Variants in CTNNA3 observed in about 807,000 individuals in gnomAD.
CTNNA3 encodes catenin alpha 3.
CTNNA3 carries 76 observed loss-of-function variants against 95.7 expected under a neutral mutation model. The ratio of observed to expected loss-of-function variants is 0.79; its 90% CI spans 0.66 to 0.96. The LOEUF is 0.96. Among genes scored for constraint, CTNNA3 ranks in the 40% least tolerant of loss-of-function variants. CTNNA3 has a pLI of 0.00. For missense variants in CTNNA3, 1,191 were observed against 1,089.8 expected (o/e 1.09, Z -1.31); for synonymous variants, 431 against 374.4 (o/e 1.15, Z -1.74).
At chr10:67,126,122 T>C (rs1475279744) in intron 7 of CTNNA3, among the ~76,000 whole-genome samples, 1 of 152,258 alleles carries the variant, frequency 6.6e-6, no homozygotes, top group East Asian at 1.9e-4. Flanking sequence ...GAAGAAATAC[T>C]AATTTTATTA....
chr10:66,849,403 A>C (rs1158718850), intron 7 of CTNNA3, among the ~76,000 whole-genome samples: 2 of 152,120 alleles, frequency 1.3e-5, no homozygotes, highest in African/African-American at 2.4e-5. Context: ...CTTTTTGGTA[A>C]ATTTGAATAA....
intron 12 of CTNNA3, among the ~76,000 whole-genome samples, chr10:66,346,262 G>T (rs1589121470): frequency 1.0e-5 from 1 of 95,648 alleles, no homozygotes; most frequent in Non-Finnish European, 2.2e-5. Context: ...GAGAGAGAGA[G>T]AGAGAGAGAG....
At chr10:65,976,927 T>C (rs2078218359) in intron 16 of CTNNA3, among the ~76,000 whole-genome samples, 1 of 152,194 alleles carries the variant, frequency 6.6e-6, no homozygotes, top group Non-Finnish European at 1.5e-5. Context: ...AGGTTGTCTT[T>C]TAATTTTGTT....
intron 13 of CTNNA3, among the ~76,000 whole-genome samples, chr10:66,134,771 AAAAT>A (rs1250006072): frequency 6.6e-6 from 1 of 152,180 alleles, no homozygotes; most frequent in African/African-American, 2.4e-5. Flanking sequence ...AAAATGTCAC[AAAAT>A]AAATACACAT....
chr10:67,363,558 G>C (rs1843082272), intron 5 of CTNNA3, among the ~76,000 whole-genome samples: 1 of 151,754 alleles, frequency 6.6e-6, no homozygotes, highest in African/African-American at 2.4e-5. Flanking sequence ...CAACAAAATA[G>C]ATAGACTGCT....
intron 3 of CTNNA3, among the ~76,000 whole-genome samples, chr10:67,552,418 T>C (rs1397613120): frequency 1.3e-5 from 2 of 152,030 alleles, no homozygotes; most frequent in African/African-American, 4.8e-5. Flanking sequence ...GTTTGTTACC[T>C]GTACATCGAC....
intron 11 of CTNNA3, among the ~76,000 whole-genome samples, chr10:66,435,350 T>A (rs962058938): frequency 2.6e-5 from 4 of 152,202 alleles, no homozygotes; most frequent in Non-Finnish European, 5.9e-5. Flanking sequence ...GTTCAGAGAT[T>A]CGACTTTTTC....
intron 5 of CTNNA3, among the ~76,000 whole-genome samples, chr10:67,307,547 G>A (rs916088282): frequency 3.3e-5 from 5 of 152,122 alleles, no homozygotes; most frequent in Non-Finnish European, 5.9e-5. Context: ...CACAGCACTA[G>A]TATCAGAGAC....
At chr10:66,802,824 T>C (rs1422931723) in intron 7 of CTNNA3, among the ~76,000 whole-genome samples, 3 of 151,850 alleles carry the variant, frequency 2.0e-5, no homozygotes, top group East Asian at 1.9e-4. Flanking sequence ...ACGATTGATA[T>C]AGCCACGAAT....
intron 7 of CTNNA3, among the ~76,000 whole-genome samples, chr10:67,137,321 T>C (rs1462699532): frequency 4.0e-5 from 6 of 151,550 alleles, no homozygotes; most frequent in Non-Finnish European, 8.8e-5. Flanking sequence ...TAAAAAAATA[T>C]CAAACATCTT....
intron 10 of CTNNA3, among the ~76,000 whole-genome samples, chr10:66,574,645 G>A (rs55927151): frequency 0.29 from 43,681 of 151,702 alleles, 6,690 homozygotes; most frequent in Middle Eastern, 0.42. Flanking sequence ...CTCTTTAAAT[G>A]TTGCTACCTC....
intron 5 of CTNNA3, among the ~76,000 whole-genome samples, chr10:67,311,253 G>A (rs112264624): frequency 2.2e-3 from 329 of 152,266 alleles, no homozygotes; most frequent in African/African-American, 7.5e-3. Flanking sequence ...GAGGAAGAAT[G>A]AAGCAAGAGG....
chr10:66,657,016 T>C (rs189650375), intron 9 of CTNNA3, among the ~76,000 whole-genome samples: 33 of 152,210 alleles, frequency 2.2e-4, no homozygotes, highest in Admixed American at 2.0e-3. Context: ...ATAAGAAAAT[T>C]TGAAGTTTTT....
At chr10:67,177,027 G>T in intron 7 of CTNNA3, 1 of 464,582 alleles carries the variant, frequency 2.2e-6, no homozygotes, top group South Asian at 1.5e-5. Flanking sequence ...CTAAGTGTGT[G>T]GTAATTTGTT....
intron 11 of CTNNA3, among the ~76,000 whole-genome samples, chr10:66,381,870 G>T (rs1306172458): frequency 1.3e-5 from 2 of 152,118 alleles, no homozygotes; most frequent in Non-Finnish European, 2.9e-5. Context: ...AGAAGTATAG[G>T]TTGGACCTTA....
intron 5 of CTNNA3, among the ~76,000 whole-genome samples, chr10:67,392,370 C>T (rs1844533784): frequency 6.6e-6 from 1 of 152,174 alleles, no homozygotes; most frequent in African/African-American, 2.4e-5. Context: ...CATCTCACAC[C>T]AGTTAGAATG....
At chr10:66,997,046 T>C (rs1183752469) in intron 7 of CTNNA3, among the ~76,000 whole-genome samples, 1 of 152,176 alleles carries the variant, frequency 6.6e-6, no homozygotes, top group Non-Finnish European at 1.5e-5. Flanking sequence ...CTGTTTATAT[T>C]AATACTAACA....
chr10:67,568,679 T>C (rs1329598245), intron 3 of CTNNA3, among the ~76,000 whole-genome samples: 3 of 152,096 alleles, frequency 2.0e-5, no homozygotes, highest in Non-Finnish European at 4.4e-5. Context: ...CTCAGCTATA[T>C]TGAATATTTA....
At chr10:67,630,834 A>T (rs368699674) in intron 2 of CTNNA3, among the ~76,000 whole-genome samples, 4 of 152,378 alleles carry the variant, frequency 2.6e-5, no homozygotes, top group South Asian at 4.1e-4. Flanking sequence ...ATAACACATT[A>T]TAAAGAGTTT....
Sources: allele counts gnomAD v4.1 joint callset (sites outside exome capture counted in the v4.1 genomes callset), GRCh38; gene constraint gnomAD v4.1.1; transcripts MANE v1.5; gene names NCBI Gene and HGNC (gene_info 2026-07-23, HGNC 2026-07-21).